Variants in SEMA6D observed in about 807,000 individuals in gnomAD.
SEMA6D encodes the protein semaphorin 6D.
A neutral mutation model predicts 106.6 loss-of-function variants in SEMA6D; 35 were observed. The observed-to-expected ratio is 0.33, with a 90% CI of 0.25 to 0.44. SEMA6D has a LOEUF of 0.44. Among genes scored for constraint, SEMA6D ranks in the 20% least tolerant of loss-of-function variants. The pLI is 1.00. For synonymous variants in SEMA6D, 499 were observed against 487.7 expected, an observed-to-expected ratio of 1.02 and a Z score of -0.31; for missense variants, 1,185 against 1,345.9, an observed-to-expected ratio of 0.88 and a Z score of 1.87.
At chr15:47,642,676 A>G (rs954039067) in intron 4 of SEMA6D, among the ~76,000 whole-genome samples, 5 of 152,134 alleles carry the variant, frequency 3.3e-5, no homozygotes, top group Admixed American at 6.5e-5. Context: ...AAAGGGAATG[A>G]TGTTGTGGAG....
intron 4 of SEMA6D, 33 bp from the exon 5 acceptor site, chr15:47,761,125 A>G: frequency 6.2e-7 from 1 of 1,612,982 alleles, no homozygotes; most frequent in Non-Finnish European, 8.5e-7. Context: ...GTTCGCAGTT[A>G]AAAACTGCTT....
intron 1 of SEMA6D, among the ~76,000 whole-genome samples, chr15:47,406,244 C>T (rs1052028951): frequency 1.2e-4 from 18 of 152,068 alleles, no homozygotes; most frequent in African/African-American, 3.9e-4. Flanking sequence ...ATGAACATAG[C>T]GAGGGCAACA....
At chr15:47,492,333 T>C (rs2043500756) in intron 3 of SEMA6D, among the ~76,000 whole-genome samples, 1 of 152,202 alleles carries the variant, frequency 6.6e-6, no homozygotes, top group Non-Finnish European at 1.5e-5. Flanking sequence ...GAGTTGTCTC[T>C]ACAATTCCTG....
intron 1 of SEMA6D, among the ~76,000 whole-genome samples, chr15:47,362,643 G>C (rs1406138345): frequency 1.3e-5 from 2 of 152,154 alleles, no homozygotes; most frequent in Non-Finnish European, 2.9e-5. Context: ...GAAGAGAGCA[G>C]AGTGCCCTCT....
chr15:47,553,699 C>T (rs1426296976), intron 3 of SEMA6D, among the ~76,000 whole-genome samples: 1 of 151,870 alleles, frequency 6.6e-6, no homozygotes, highest in Non-Finnish European at 1.5e-5. Context: ...TTCTCCTGCA[C>T]TTGTCCTGTC....
intron 1 of SEMA6D, among the ~76,000 whole-genome samples, chr15:47,343,795 T>A (rs954400376): frequency 6.6e-6 from 1 of 152,242 alleles, no homozygotes; most frequent in African/African-American, 2.4e-5. Flanking sequence ...CTGGGTCAAA[T>A]GGTATTTCTA....
intron 3 of SEMA6D, among the ~76,000 whole-genome samples, chr15:47,564,722 C>A (rs1328677333): frequency 1.3e-5 from 2 of 152,014 alleles, no homozygotes; most frequent in Non-Finnish European, 2.9e-5. Context: ...AGACCATGGC[C>A]CAAAGTGAGA....
At chr15:47,733,620 G>A (rs16959996) in intron 1 of SEMA6D, among the ~76,000 whole-genome samples, 32,002 of 151,966 alleles carry the variant, frequency 0.21, 3,842 homozygotes, top group Middle Eastern at 0.27. Flanking sequence ...AGAGAGTCCG[G>A]GGTTCAAATT....
chr15:47,663,707 T>C (rs16959904), intron 4 of SEMA6D, among the ~76,000 whole-genome samples: 2,513 of 152,288 alleles, frequency 0.017, 73 homozygotes, highest in African/African-American at 0.058. Context: ...GTGAATGTAA[T>C]TCGAAAACAG....
intron 3 of SEMA6D, among the ~76,000 whole-genome samples, chr15:47,473,422 C>T (rs1438938896): frequency 6.6e-6 from 1 of 152,132 alleles, no homozygotes; most frequent in Non-Finnish European, 1.5e-5. Flanking sequence ...CCAAGGCCAA[C>T]TTTGGAAGTC....
rs557734015 is a variant in SEMA6D at position 47,567,914 on chromosome 15, T to C, written c.-86-32951T>C. 1.1e-4 allele frequency among the ~76,000 whole-genome samples: 16 copies of C among 152,248 alleles called. No homozygotes were observed. The East Asian group carries it at 1.7e-3, about 17-fold the overall frequency. On this transcript the variant is annotated intron_variant, in intron 3 of 19. Coordinates refer to the SEMA6D transcript ENST00000558014. ...CTGAGAAATCTACAAAAAATTTAAATAGGTGATGCCGAGAGCGAGAAACCC... is the reference window on the plus strand; with the variant it reads ...CTGAGAAATCTACAAAAAATTTAAACAGGTGATGCCGAGAGCGAGAAACCC...
rs899481044 is a variant in SEMA6D, at chr15:47,560,428, A to C, written c.-86-40437A>C. Among the ~76,000 whole-genome samples the C allele has an allele frequency of 3.3e-5, 5 of 152,078 alleles. No individual in the cohort carries two copies. In the East Asian group the frequency reaches 7.7e-4, roughly 23 times the overall value. On this transcript the variant is annotated intron_variant, in intron 3 of 19. Coordinates refer to the SEMA6D transcript ENST00000558014. ...GTTGAAAAGTACAATATCTGAAGTA[A>C]AAAAGAAAATAATAAAGGGCTCAAG... is the stretch of plus-strand genomic sequence containing the variant.
intron 1 of SEMA6D, among the ~76,000 whole-genome samples, chr15:47,742,464 TG>T (rs2080877672): frequency 6.6e-6 from 1 of 152,050 alleles, no homozygotes; most frequent in African/African-American, 2.4e-5. Flanking sequence ...TTGGGCAGCT[TG>T]GATGCTGCTG....
At chr15:47,759,929 C>T (rs529292451) in intron 2 of SEMA6D, 22 bp downstream of exon 2, 2 of 1,503,120 alleles carry the variant, frequency 1.3e-6, no homozygotes, top group Admixed American at 3.3e-5. Context: ...CAAGAACAGT[C>T]TTCTATTCTG....
chr15:47,488,656 G>T (rs1221849454), intron 3 of SEMA6D, among the ~76,000 whole-genome samples: 1 of 152,174 alleles, frequency 6.6e-6, no homozygotes. Context: ...TTGAGGAAGG[G>T]AGGGAGTTAG....
intron 1 of SEMA6D, among the ~76,000 whole-genome samples, chr15:47,226,283 C>T (rs1204903462): frequency 6.6e-6 from 1 of 152,056 alleles, no homozygotes; most frequent in Admixed American, 6.6e-5. Flanking sequence ...ACATCTTGAT[C>T]TCAGATTTCT....
At chr15:47,429,628 G>A (rs964700731) in intron 2 of SEMA6D, among the ~76,000 whole-genome samples, 15 of 152,106 alleles carry the variant, frequency 9.9e-5, no homozygotes, top group Non-Finnish European at 1.5e-4. Context: ...TGCCTGGGAA[G>A]GAATGCAGTG....
intron 1 of SEMA6D, among the ~76,000 whole-genome samples, chr15:47,266,204 T>C (rs1471159922): frequency 6.6e-6 from 1 of 152,108 alleles, no homozygotes; most frequent in African/African-American, 2.4e-5. Flanking sequence ...TACTGCCAAT[T>C]GTCTTTTTTT....
intron 2 of SEMA6D, among the ~76,000 whole-genome samples, chr15:47,447,904 A>G (rs1485847072): frequency 2.0e-5 from 3 of 152,190 alleles, no homozygotes; most frequent in Non-Finnish European, 2.9e-5. Context: ...CCCAGCTGGT[A>G]TCTGCTAAAG....
Sources: gnomAD v4.1 joint callset for allele counts (sites outside exome capture counted in the v4.1 genomes callset) on GRCh38, gnomAD v4.1.1 for gene constraint, MANE v1.5 for transcripts, NCBI Gene and HGNC (gene_info 2026-07-23, HGNC 2026-07-21) for gene names.